Variants in PKHD1 observed in about 807,000 individuals in gnomAD.
The protein encoded by PKHD1 is PKHD1 ciliary IPT domain containing fibrocystin/polyductin.
Under a neutral mutation model 412.0 loss-of-function variants are expected in PKHD1, and 291 were observed. That is an observed-to-expected ratio of 0.71 (90% CI 0.64 to 0.78). The LOEUF is 0.78. PKHD1 is among the 30% of genes least tolerant of loss of function. PKHD1 has a pLI of 0.00. For missense variants in PKHD1, 4,825 were observed against 4,950.7 expected, an observed-to-expected ratio of 0.97 and a Z score of 0.76; for synonymous variants, 1,777 against 1,821.5, an observed-to-expected ratio of 0.98 and a Z score of 0.62.
intron 36 of PKHD1, among the ~76,000 whole-genome samples, chr6:51,938,293 T>C (rs905690180): frequency 1.4e-4 from 21 of 152,224 alleles, no homozygotes; most frequent in African/African-American, 5.1e-4. Flanking sequence ...GACCTGCACG[T>C]ATACATCCAG....
At chr6:52,074,972 C>G (rs1038670784) in intron 6 of PKHD1, among the ~76,000 whole-genome samples, 3 of 152,216 alleles carry the variant, frequency 2.0e-5, no homozygotes, top group Non-Finnish European at 2.9e-5. Context: ...TGGGCGCCAG[C>G]TGACATTCCA....
chr6:51,785,428 A>G (rs577399692), intron 53 of PKHD1, among the ~76,000 whole-genome samples: 1 of 152,332 alleles, frequency 6.6e-6, no homozygotes, highest in Admixed American at 6.5e-5. Context: ...GAATAGATAA[A>G]TGGTATTGAG....
intron 60 of PKHD1, among the ~76,000 whole-genome samples, chr6:51,716,617 C>G (rs1781286720): frequency 6.6e-6 from 1 of 152,102 alleles, no homozygotes; most frequent in South Asian, 2.1e-4. Context: ...ATCCTGACCT[C>G]TGGCCACAAG....
At chr6:51,704,261 G>C (rs1582177432) in intron 60 of PKHD1, among the ~76,000 whole-genome samples, 1 of 152,022 alleles carries the variant, frequency 6.6e-6, no homozygotes, top group Admixed American at 6.6e-5. Context: ...GCAACAAGCA[G>C]TGTTTATCAT....
chr6:51,959,997 T>C lies in PKHD1; in HGVS notation c.5781A>G (p.Arg1927=). The C allele has an allele frequency of 1.9e-6, 3 of 1,613,476 alleles. No homozygotes were observed. The highest frequency in any genetic ancestry group is 2.5e-6 in the Non-Finnish European group (3 of 1,179,590). Residue 1927 remains arginine (R), a synonymous_variant, in exon 36 of 67, where the codon AGA becomes AGG. Transcript: ENST00000371117. ...GAAACCAGCTGTGAGTCCTGGACCATCTCCGGCAGAACTGTAAAGAAAAGT... is the reference window on the plus strand; with the variant it reads ...GAAACCAGCTGTGAGTCCTGGACCACCTCCGGCAGAACTGTAAAGAAAAGT... The part of the protein sequence containing the change: ...QGNFSLQFCR[R]WSRTHSWFPE...
intron 60 of PKHD1, among the ~76,000 whole-genome samples, chr6:51,683,055 A>G (rs1776915058): frequency 6.6e-6 from 1 of 152,088 alleles, no homozygotes; most frequent in African/African-American, 2.4e-5. Flanking sequence ...AAGAGTGAAT[A>G]AGAAACATGG....
chr6:51,925,973 TAA>T (rs11430320), intron 37 of PKHD1, among the ~76,000 whole-genome samples: 18 of 140,296 alleles, frequency 1.3e-4, no homozygotes, highest in Non-Finnish European at 1.4e-4. Context: ...CAATGCAGAT[TAA>T]AAAAAAAAAA....
chr6:51,832,133 G>A (rs978413260), intron 51 of PKHD1, among the ~76,000 whole-genome samples: 2 of 152,100 alleles, frequency 1.3e-5, no homozygotes, highest in African/African-American at 4.8e-5. Flanking sequence ...TTGCCTCCAA[G>A]GAGCTGATAG....
intron 48 of PKHD1, among the ~76,000 whole-genome samples, chr6:51,859,808 C>A (rs1360739053): frequency 1.3e-5 from 2 of 152,130 alleles, no homozygotes; most frequent in African/African-American, 4.8e-5. Context: ...CAAATGTGGT[C>A]CCTCTTCAAA....
At chr6:51,785,206 A>C (rs143635127) in intron 53 of PKHD1, among the ~76,000 whole-genome samples, 41 of 152,278 alleles carry the variant, frequency 2.7e-4, no homozygotes, top group Non-Finnish European at 5.4e-4. Flanking sequence ...ACTTTGGAAA[A>C]TCACCATATC....
chr6:52,027,525 T>A (rs1581822651), intron 31 of PKHD1, among the ~76,000 whole-genome samples: 1 of 78,364 alleles, frequency 1.3e-5, no homozygotes, highest in Non-Finnish European at 2.4e-5. Flanking sequence ...AGAGCGAAAC[T>A]CCGTCTCAAA....
intron 52 of PKHD1, among the ~76,000 whole-genome samples, chr6:51,797,622 C>A (rs1375204738): frequency 5.3e-5 from 8 of 151,982 alleles, no homozygotes; most frequent in Non-Finnish European, 1.2e-4. Context: ...GGATTGCAAC[C>A]CCTGCTTTTT....
chr6:51,647,920 C>A, intron 63 of PKHD1, 111 bp downstream of exon 63: 1 of 746,686 alleles, frequency 1.3e-6, no homozygotes, highest in Non-Finnish European at 2.5e-6. Flanking sequence ...TCCCAAATTA[C>A]TGAAGAAATT....
At chr6:51,737,619 ATT>A (rs571211148) in intron 60 of PKHD1, among the ~76,000 whole-genome samples, 3 of 152,302 alleles carry the variant, frequency 2.0e-5, no homozygotes, top group South Asian at 2.1e-4. Flanking sequence ...AATTAAAAAT[ATT>A]GTCTTCTTAA....
In PKHD1 at chr6:52,056,966, G is replaced by A. The variant is rs1350008275; in HGVS notation, c.1526C>T (p.Ser509Leu). Reference sequence around the variant, plus strand: ...AGTAAGGAAGAAGTTTCCTCTGCCTGATACATTCAGCACCTAAAAAAGTCA... The same window carrying A: ...AGTAAGGAAGAAGTTTCCTCTGCCTAATACATTCAGCACCTAAAAAAGTCA... Reference protein sequence around the residue: ...RLPEVQVLNVSGRGNFFLTWD... With the variant: ...RLPEVQVLNVLGRGNFFLTWD... The change falls in exon 17 of 67, where the codon TCA (serine) becomes TTA (leucine). Residue 509 changes from serine (S) to leucine (L), a missense_variant. Transcript: ENST00000371117. 1 of 1,612,472 alleles carries A rather than the reference G, an allele frequency of 6.2e-7. No individual in the cohort carries two copies.
intron 43 of PKHD1, among the ~76,000 whole-genome samples, chr6:51,891,422 G>A (rs1230841106): frequency 2.0e-5 from 3 of 152,074 alleles, no homozygotes; most frequent in Non-Finnish European, 2.9e-5. Context: ...TGGGATTACA[G>A]GCATGCACCA....
At chr6:52,074,718 C>A (rs1469289704) in intron 6 of PKHD1, among the ~76,000 whole-genome samples, 1 of 152,220 alleles carries the variant, frequency 6.6e-6, no homozygotes, top group Non-Finnish European at 1.5e-5. Context: ...AGAAACCCAA[C>A]TGCTCAGAAA....
intron 60 of PKHD1, among the ~76,000 whole-genome samples, chr6:51,701,196 T>C (rs764091414): frequency 2.6e-5 from 4 of 152,188 alleles, no homozygotes; most frequent in South Asian, 2.1e-4. Context: ...CTTTGCTATA[T>C]AGTTTCCTAA....
intron 60 of PKHD1, among the ~76,000 whole-genome samples, chr6:51,729,806 C>A (rs191065118): frequency 3.6e-4 from 55 of 152,216 alleles, no homozygotes; most frequent in Admixed American, 3.5e-3. Flanking sequence ...TGGTGGAAAT[C>A]TTTATTAGGT....
Sources: allele counts gnomAD v4.1 joint callset (sites outside exome capture counted in the v4.1 genomes callset), GRCh38; gene constraint gnomAD v4.1.1; transcripts MANE v1.5; gene names NCBI Gene and HGNC (gene_info 2026-07-23, HGNC 2026-07-21).